Variants in PDE7A observed in about 807,000 individuals in gnomAD.
PDE7A encodes high affinity 3',5'-cyclic-AMP phosphodiesterase 7A.
Under a neutral mutation model 64.3 loss-of-function variants are expected in PDE7A, and 39 were observed. The ratio of observed to expected loss-of-function variants is 0.61; its 90% confidence interval spans 0.47 to 0.79. The LOEUF is 0.79. Among genes scored for constraint, PDE7A ranks in the 30% least tolerant of loss-of-function variants. The pLI, the probability that PDE7A is intolerant of heterozygous loss-of-function variation, is 0.00. For missense variants in PDE7A, 470 were observed against 582.8 expected, an observed-to-expected ratio of 0.81 and a Z score of 1.99; for synonymous variants, 203 against 206.8, an observed-to-expected ratio of 0.98 and a Z score of 0.16.
At chr8:65,723,660 A>G (rs536075730) in intron 11 of PDE7A, 39 bp from the exon 12 acceptor site, 3 of 1,371,682 alleles carry the variant, frequency 2.2e-6, no homozygotes, top group South Asian at 2.9e-5. Flanking sequence ...TATGAAGAAT[A>G]TCTATTGGTT....
intron 4 of PDE7A, among the ~76,000 whole-genome samples, chr8:65,747,311 T>C (rs1807718046): frequency 6.6e-6 from 1 of 152,216 alleles, no homozygotes; most frequent in African/African-American, 2.4e-5. Context: ...TCTTTATTGA[T>C]GGAATACGGA....
At chr8:65,740,891 C>T (rs1304458288) in intron 5 of PDE7A, among the ~76,000 whole-genome samples, 2 of 152,186 alleles carry the variant, frequency 1.3e-5, no homozygotes, top group African/African-American at 4.8e-5. Flanking sequence ...CACAGCCTCT[C>T]CTGGCCCCCT....
intron 4 of PDE7A, among the ~76,000 whole-genome samples, chr8:65,746,249 A>T (rs890073523): frequency 6.6e-6 from 1 of 151,992 alleles, no homozygotes; most frequent in African/African-American, 2.4e-5. Flanking sequence ...ATTGTTTTCA[A>T]TTCTCATTTT....
At chr8:65,824,123 A>C (rs530687250) in intron 1 of PDE7A, among the ~76,000 whole-genome samples, 21 of 152,332 alleles carry the variant, frequency 1.4e-4, no homozygotes, top group Non-Finnish European at 2.5e-4. Flanking sequence ...GTCTACTGGC[A>C]CCATTTTCCC....
intron 1 of PDE7A, among the ~76,000 whole-genome samples, chr8:65,821,590 G>C (rs1210927869): frequency 6.6e-6 from 1 of 152,276 alleles, no homozygotes; most frequent in Middle Eastern, 3.4e-3. Context: ...ATCTATAGAA[G>C]TGGTACCCCG....
In PDE7A at chr8:65,747,806, G is replaced by C; in HGVS notation, c.284-3C>G. 1 of 1,591,470 alleles carries C rather than the reference G, an allele frequency of 6.3e-7. No individual in the cohort carries two copies. Among genetic ancestry groups the C allele is most frequent in the Non-Finnish European group, 8.6e-7 (1 of 1,165,740 alleles). ...AGACACTTCAATTTCAGATTGAGCT[G>C]AAATAAAAAGAATAAAAGGTAAGTA... On this transcript the variant is annotated splice_polypyrimidine_tract_variant and splice_region_variant and intron_variant, in intron 3 of 12. Coordinates refer to ENST00000401827, the MANE Select transcript of PDE7A (RefSeq NM_001242318.3).
At chr8:65,751,228 T>C (rs1014157173) in intron 3 of PDE7A, among the ~76,000 whole-genome samples, 1 of 152,216 alleles carries the variant, frequency 6.6e-6, no homozygotes, top group African/African-American at 2.4e-5. Context: ...CAACTAAAAC[T>C]ACCTCAAAGT....
At chr8:65,754,947 G>C (rs928724438) in intron 3 of PDE7A, among the ~76,000 whole-genome samples, 4 of 150,502 alleles carry the variant, frequency 2.7e-5, no homozygotes, top group African/African-American at 9.7e-5. Context: ...CCTGGCGACA[G>C]AGCGAGACTC....
At chr8:65,778,397 T>G (rs1052530561) in intron 3 of PDE7A, among the ~76,000 whole-genome samples, 23 of 152,146 alleles carry the variant, frequency 1.5e-4, no homozygotes, top group African/African-American at 5.3e-4. Flanking sequence ...GTTCCAGCCC[T>G]GGAAGATGAC....
At chr8:65,805,305 A>C (rs1197593716) in intron 1 of PDE7A, among the ~76,000 whole-genome samples, 2 of 152,250 alleles carry the variant, frequency 1.3e-5, no homozygotes, top group Non-Finnish European at 2.9e-5. Flanking sequence ...GTAATGCTTC[A>C]AGTACATTTG....
At chr8:65,827,925 T>C (rs1585951943) in intron 1 of PDE7A, among the ~76,000 whole-genome samples, 1 of 152,288 alleles carries the variant, frequency 6.6e-6, no homozygotes, top group African/African-American at 2.4e-5. Flanking sequence ...AGACTATACC[T>C]CTGAACACCT....
In PDE7A at chr8:65,821,971, A is replaced by G. The variant is rs1278464014; in HGVS notation, c.138+19400T>C. Among the ~76,000 whole-genome samples the G allele has an allele frequency of 4.6e-5, 7 of 152,224 alleles. No homozygotes were observed. The East Asian group carries it at 1.2e-3, about 25-fold the overall frequency. On this transcript the variant is annotated intron_variant, in intron 1 of 12. Transcript: ENST00000401827. ...GTGTCATAACTGAACAAGCTGATCCAGTTCCTAACAGGCAGAATTTTATAA... is the reference window on the plus strand; with the variant it reads ...GTGTCATAACTGAACAAGCTGATCCGGTTCCTAACAGGCAGAATTTTATAA...
chr8:65,794,507 A>G (rs939722005), intron 1 of PDE7A, among the ~76,000 whole-genome samples: 15 of 152,194 alleles, frequency 9.9e-5, no homozygotes, highest in African/African-American at 3.6e-4. Flanking sequence ...TAACATAGAC[A>G]TTAAGGAGAA....
intron 3 of PDE7A, among the ~76,000 whole-genome samples, chr8:65,755,254 CAG>C (rs879636564): frequency 2.0e-5 from 3 of 152,036 alleles, no homozygotes; most frequent in Non-Finnish European, 4.4e-5. Context: ...CTCCTGAACT[CAG>C]GGGATCCACC....
chr8:65,778,189 C>T (rs1585910468), intron 3 of PDE7A, among the ~76,000 whole-genome samples: 3 of 152,172 alleles, frequency 2.0e-5, no homozygotes, highest in Admixed American at 6.5e-5. Context: ...TATGGAAATG[C>T]GATGTTATGC....
chr8:65,814,644 C>T (rs1810349453), intron 1 of PDE7A, among the ~76,000 whole-genome samples: 1 of 150,202 alleles, frequency 6.7e-6, no homozygotes, highest in South Asian at 2.1e-4. Context: ...AAACTATAAA[C>T]ATTGCTTAAC....
At chr8:65,793,497 A>AG (rs1297018078) in intron 1 of PDE7A, among the ~76,000 whole-genome samples, 1 of 152,024 alleles carries the variant, frequency 6.6e-6, no homozygotes, top group East Asian at 1.9e-4. Flanking sequence ...AAAAAAAAAA[A>AG]AAGGCAAATA....
chr8:65,819,767 C>G (rs1194545259), intron 1 of PDE7A, among the ~76,000 whole-genome samples: 1 of 152,214 alleles, frequency 6.6e-6, no homozygotes, highest in Non-Finnish European at 1.5e-5. Context: ...AACATCTATT[C>G]TCATGTTCTT....
intron 7 of PDE7A, among the ~76,000 whole-genome samples, chr8:65,729,262 G>A (rs1806735788): frequency 1.3e-5 from 2 of 151,524 alleles, no homozygotes; most frequent in South Asian, 4.2e-4. Flanking sequence ...ATTAAGTGGT[G>A]AGTTTTGCTG....
Sources: gnomAD v4.1 joint callset for allele counts (sites outside exome capture counted in the v4.1 genomes callset) on GRCh38, gnomAD v4.1.1 for gene constraint, MANE v1.5 for transcripts, NCBI Gene and HGNC (gene_info 2026-07-23, HGNC 2026-07-21) for gene names.